SHISA9: variants seen among roughly 807,000 people sequenced by gnomAD.
The protein encoded by SHISA9 is shisa family member 9.
SHISA9 carries 13 observed loss-of-function variants against 38.0 expected under a neutral mutation model. The ratio of observed to expected loss-of-function variants is 0.34; its 90% CI spans 0.22 to 0.54. The LOEUF (loss-of-function observed/expected upper bound fraction) is 0.54. Among genes scored for constraint, SHISA9 ranks in the 20% least tolerant of loss-of-function variants. SHISA9 has a pLI of 0.91. For synonymous variants in SHISA9, 275 were observed against 242.0 expected (o/e 1.14, Z -1.27); for missense variants, 538 against 575.8 (o/e 0.93, Z 0.67).
At chr16:13,003,543 C>A (rs1281795984) in intron 2 of SHISA9, among the ~76,000 whole-genome samples, 1 of 152,126 alleles carries the variant, frequency 6.6e-6, no homozygotes, top group African/African-American at 2.4e-5. Context: ...AACCTGCAAC[C>A]ACCACTAACG....
At chr16:13,405,416 C>T in the SHISA9 span, among the ~76,000 whole-genome samples, 2 of 152,312 alleles carry the variant, frequency 1.3e-5, no homozygotes, top group Non-Finnish European at 2.9e-5. Flanking sequence ...AAATCAGCCG[C>T]TCTGCAAGAG....
the SHISA9 span, among the ~76,000 whole-genome samples, chr16:13,333,582 A>C: frequency 6.6e-6 from 1 of 152,222 alleles, no homozygotes; most frequent in Admixed American, 6.5e-5. Flanking sequence ...GCCAAGAGCC[A>C]CATCATGTTT....
chr16:13,168,225 C>A (rs187416775), intron 2 of SHISA9, among the ~76,000 whole-genome samples: 338 of 152,364 alleles, frequency 2.2e-3, no homozygotes, highest in African/African-American at 7.8e-3. Context: ...GTCCTAATCA[C>A]CCCAGGGCCA....
intron 2 of SHISA9, among the ~76,000 whole-genome samples, chr16:13,025,817 T>C (rs1322173317): frequency 3.9e-5 from 6 of 152,194 alleles, no homozygotes; most frequent in African/African-American, 1.2e-4. Flanking sequence ...AACATTTTTT[T>C]TGGGGGGGAT....
chr16:13,480,788 T>C, the SHISA9 span, among the ~76,000 whole-genome samples: 2,532 of 152,254 alleles, frequency 0.017, 33 homozygotes, highest in East Asian at 0.039. Flanking sequence ...GTGATCCCTT[T>C]GCTAGAAGAC....
At chr16:13,338,272 T>C in the SHISA9 span, among the ~76,000 whole-genome samples, 2 of 152,190 alleles carry the variant, frequency 1.3e-5, no homozygotes, top group African/African-American at 4.8e-5. Flanking sequence ...AACTTCCTAA[T>C]TGCATAGCCT....
the SHISA9 span, among the ~76,000 whole-genome samples, chr16:13,469,431 GA>G: frequency 1.5e-5 from 2 of 130,652 alleles, no homozygotes; most frequent in African/African-American, 5.8e-5. Context: ...GAAAAAGAAA[GA>G]AAGAGAAAGA....
chr16:13,024,737 T>G (rs1489929098), intron 2 of SHISA9, among the ~76,000 whole-genome samples: 2 of 152,220 alleles, frequency 1.3e-5, no homozygotes, highest in Non-Finnish European at 2.9e-5. Flanking sequence ...CAATACCCAT[T>G]TCCACAGAGC....
intron 2 of SHISA9, among the ~76,000 whole-genome samples, chr16:13,039,727 C>G (rs1279722029): frequency 2.6e-5 from 4 of 152,106 alleles, no homozygotes; most frequent in African/African-American, 9.7e-5. Flanking sequence ...GCACAAACCC[C>G]ACACACCTGT....
chr16:13,267,299 A>C, the SHISA9 span, among the ~76,000 whole-genome samples: 1 of 152,244 alleles, frequency 6.6e-6, no homozygotes, highest in Admixed American at 6.5e-5. Flanking sequence ...ATGGGAACAT[A>C]TTCAACCTTA....
At chr16:13,425,421 A>G in the SHISA9 span, among the ~76,000 whole-genome samples, 1 of 152,252 alleles carries the variant, frequency 6.6e-6, no homozygotes, top group African/African-American at 2.4e-5. Flanking sequence ...CAGGAGGTGT[A>G]GATTGCAGTG....
chr16:13,494,133 T>G, the SHISA9 span, among the ~76,000 whole-genome samples: 1 of 152,186 alleles, frequency 6.6e-6, no homozygotes, highest in African/African-American at 2.4e-5. Flanking sequence ...GAGTAAGATT[T>G]AATGCACTGG....
chr16:12,991,911 G>C (rs1422039251), intron 2 of SHISA9, among the ~76,000 whole-genome samples: 1 of 152,006 alleles, frequency 6.6e-6, no homozygotes, highest in Non-Finnish European at 1.5e-5. Context: ...CATCCGATGG[G>C]TTCACGGACA....
chr16:13,065,450 G>A (rs1274809207), intron 2 of SHISA9, among the ~76,000 whole-genome samples: 4 of 152,206 alleles, frequency 2.6e-5, no homozygotes, highest in African/African-American at 7.2e-5. Flanking sequence ...CCAAAGCCAC[G>A]TTTAGGGCAT....
At chr16:13,167,158 C>T (rs1186004637) in intron 2 of SHISA9, among the ~76,000 whole-genome samples, 3 of 150,936 alleles carry the variant, frequency 2.0e-5, no homozygotes, top group Non-Finnish European at 1.5e-5. Flanking sequence ...CTGCAACCTC[C>T]GCCTCCTGGG....
chr16:13,031,787 A>G (rs1223226121), intron 2 of SHISA9, among the ~76,000 whole-genome samples: 2 of 152,238 alleles, frequency 1.3e-5, no homozygotes, highest in Non-Finnish European at 2.9e-5. Flanking sequence ...TGAGATTGAT[A>G]TATCAGGAAA....
the SHISA9 span, among the ~76,000 whole-genome samples, chr16:13,326,582 G>A: frequency 4.6e-5 from 7 of 152,318 alleles, no homozygotes; most frequent in East Asian, 1.9e-4. Flanking sequence ...TTAGCTGGGC[G>A]TAGTGTCGCA....
At chr16:13,527,453 CAGAG>C in the SHISA9 span, among the ~76,000 whole-genome samples, 2 of 152,096 alleles carry the variant, frequency 1.3e-5, no homozygotes, top group Non-Finnish European at 2.9e-5. Context: ...TTGAGAGGGG[CAGAG>C]AGAGAAAACG....
At chr16:13,029,442 C>CA (rs1195104309) in intron 2 of SHISA9, among the ~76,000 whole-genome samples, 2 of 152,044 alleles carry the variant, frequency 1.3e-5, no homozygotes, top group Admixed American at 6.6e-5. Flanking sequence ...CTCGTCTCTA[C>CA]AAAAAAATAC....
Sources: allele counts gnomAD v4.1 joint callset (sites outside exome capture counted in the v4.1 genomes callset), GRCh38; gene constraint gnomAD v4.1.1; transcripts MANE v1.5; gene names NCBI Gene and HGNC (gene_info 2026-07-23, HGNC 2026-07-21).